Variants in STMND1 observed in about 807,000 individuals in gnomAD.
STMND1 encodes the protein stathmin domain containing 1, also known as stathmin domain-containing protein 1.
A neutral mutation model predicts 23.0 loss-of-function variants in STMND1; 17 were observed. The observed-to-expected ratio is 0.74, with a 90% CI of 0.51 to 1.11. The LOEUF is 1.11. Ranked by LOEUF, STMND1 falls within the 50% of genes least tolerant of loss-of-function variation. The pLI is 0.00. For missense variants in STMND1, 305 were observed against 329.1 expected, an observed-to-expected ratio of 0.93 and a Z score of 0.57; for synonymous variants, 114 against 119.9, an observed-to-expected ratio of 0.95 and a Z score of 0.32.
At position 17,120,692 on chromosome 6, in the gene STMND1, A is replaced by C. The variant is rs748175634; in HGVS notation, c.345A>C (p.Leu115=). The change falls in exon 3 of 5, where the codon CTA becomes CTC. Residue 115 remains leucine (L), a synonymous_variant. Coordinates refer to ENST00000536551, the MANE Select transcript of STMND1 (RefSeq NM_001190766.2). ...RQKSSDILEE[L]IVQGIIQSHS... is the part of the protein sequence containing the mutation. ...AGTCATCAGATATCCTGGAGGAACT[A>C]ATTGTTCAAGGAATTATACAAAGCC... The C allele has an allele frequency of 3.9e-6, 6 of 1,535,576 alleles. No individual in the cohort carries two copies. The South Asian group carries it at 7.1e-5, about 18-fold the overall frequency.
At chr6:17,122,087 TCCTGACCTCGTAATCCA>T (rs1244614668) in intron 3 of STMND1, among the ~76,000 whole-genome samples, 1 of 152,096 alleles carries the variant, frequency 6.6e-6, no homozygotes, top group Non-Finnish European at 1.5e-5. Flanking sequence ...GGTGTTGAAC[TCCTGACCTCGTAATCCA>T]CCTGCCTCAG....
At chr6:17,118,378 A>AT (rs1388643667) in intron 2 of STMND1, among the ~76,000 whole-genome samples, 1 of 152,190 alleles carries the variant, frequency 6.6e-6, no homozygotes, top group African/African-American at 2.4e-5. Context: ...TGGTGAAAGC[A>AT]TGGGCGTTTT....
At chr6:17,106,035 C>T (rs991662536) in intron 1 of STMND1, among the ~76,000 whole-genome samples, 1 of 152,208 alleles carries the variant, frequency 6.6e-6, no homozygotes, top group African/African-American at 2.4e-5. Context: ...CACACTCACA[C>T]CGTAGACAAA....
At chr6:17,111,742 G>C (rs1761099306) in intron 1 of STMND1, among the ~76,000 whole-genome samples, 1 of 152,098 alleles carries the variant, frequency 6.6e-6, no homozygotes, top group Non-Finnish European at 1.5e-5. Flanking sequence ...TAGTCTGTTT[G>C]TGCTGCTACA....
chr6:17,103,386 C>T (rs1420825214), intron 1 of STMND1, among the ~76,000 whole-genome samples: 1 of 152,072 alleles, frequency 6.6e-6, no homozygotes, highest in Non-Finnish European at 1.5e-5. Flanking sequence ...ATGTGGGGCA[C>T]ATCTCTTGGG....
At chr6:17,112,046 T>C (rs1761102768) in intron 1 of STMND1, among the ~76,000 whole-genome samples, 1 of 152,236 alleles carries the variant, frequency 6.6e-6, no homozygotes, top group African/African-American at 2.4e-5. Context: ...ATTCAAATCA[T>C]AGCATCCATT....
chr6:17,105,979 C>T (rs1285266026), intron 1 of STMND1, among the ~76,000 whole-genome samples: 1 of 151,834 alleles, frequency 6.6e-6, no homozygotes, highest in African/African-American at 2.4e-5. Flanking sequence ...TGTCCTGGCC[C>T]ATCCTGGAGC....
intron 3 of STMND1, among the ~76,000 whole-genome samples, chr6:17,123,482 C>G (rs1406735590): frequency 1.3e-5 from 2 of 152,176 alleles, no homozygotes; most frequent in Non-Finnish European, 2.9e-5. Context: ...CTTAACCCGC[C>G]GGTACATTGG....
chr6:17,126,070 ATTTTTT>A (rs1189845838), intron 3 of STMND1, among the ~76,000 whole-genome samples: 1,016 of 19,098 alleles, frequency 0.053, 2 homozygotes, highest in Middle Eastern at 0.11. Context: ...ATATATATAT[ATTTTTT>A]TTTTTTTTTT....
chr6:17,104,088 A>T (rs537770042), intron 1 of STMND1, among the ~76,000 whole-genome samples: 1 of 151,732 alleles, frequency 6.6e-6, no homozygotes, highest in Admixed American at 6.5e-5. Context: ...AAACCAAATG[A>T]CTCTCAGGGC....
chr6:17,108,295 T>G (rs1445871250), intron 1 of STMND1, among the ~76,000 whole-genome samples: 3 of 152,150 alleles, frequency 2.0e-5, no homozygotes, highest in Admixed American at 2.0e-4. Context: ...CAGAAAGTCT[T>G]TGTGAAAAGC....
chr6:17,124,328 A>G (rs1761268513), intron 3 of STMND1, among the ~76,000 whole-genome samples: 1 of 152,240 alleles, frequency 6.6e-6, no homozygotes, highest in Non-Finnish European at 1.5e-5. Flanking sequence ...ATAGTTTAAA[A>G]ATAAGACTTC....
intron 3 of STMND1, chr6:17,128,744 G>C (rs998598845): frequency 1.3e-5 from 2 of 155,202 alleles, no homozygotes; most frequent in African/African-American, 4.8e-5. Flanking sequence ...ACAGGGTCTC[G>C]CTCTGTTGCC....
rs5874593 is a variant in STMND1 at position 17,125,153 on chromosome 6, CAAAA to C, written c.412-3944_412-3941del. ...GCAACATGGTAAGATGCCATTTCTA[CAAAA>C]AAAAAAAAAAAAAATTAAGAGTTAA... On this transcript the variant is annotated intron_variant, in intron 3 of 4. Transcript: ENST00000536551. Among the ~76,000 whole-genome samples, 23 of 129,258 alleles carry C rather than the reference CAAAA, an allele frequency of 1.8e-4. No individual in the cohort carries two copies. The East Asian group carries it at 4.8e-3, about 27-fold the overall frequency. The allele number at this position is 129,258 out of a possible 152,430, so 84.8% of individuals were successfully genotyped here.
intron 1 of STMND1, among the ~76,000 whole-genome samples, chr6:17,113,558 C>T (rs1761121021): frequency 6.6e-6 from 1 of 152,100 alleles, no homozygotes; most frequent in Non-Finnish European, 1.5e-5. Context: ...ATAGCCTAGC[C>T]CAGCTGACAC....
chr6:17,113,017 G>A (rs1044623977), intron 1 of STMND1, among the ~76,000 whole-genome samples: 4 of 152,108 alleles, frequency 2.6e-5, no homozygotes, highest in African/African-American at 9.7e-5. Flanking sequence ...TTCCCCTACT[G>A]ATTAATAATA....
At chr6:17,120,883 AT>A in intron 3 of STMND1, 125 bp downstream of exon 3, 1 of 819,492 alleles carries the variant, frequency 1.2e-6, no homozygotes, top group East Asian at 2.8e-5. Flanking sequence ...TTTAAGTCAG[AT>A]TTTTCTCCCT....
At chr6:17,112,581 T>A (rs1417050452) in intron 1 of STMND1, among the ~76,000 whole-genome samples, 1 of 151,876 alleles carries the variant, frequency 6.6e-6, no homozygotes, top group African/African-American at 2.4e-5. Flanking sequence ...ATTGAGACCA[T>A]CCTGGCTAAC....
intron 3 of STMND1, among the ~76,000 whole-genome samples, chr6:17,124,111 CAAAA>C (rs902495051): frequency 1.3e-4 from 19 of 150,002 alleles, no homozygotes; most frequent in Non-Finnish European, 2.2e-4. Flanking sequence ...TCAAGGGAAA[CAAAA>C]AAGGGATAGT....
Sources: allele counts gnomAD v4.1 joint callset (sites outside exome capture counted in the v4.1 genomes callset), GRCh38; gene constraint gnomAD v4.1.1; transcripts MANE v1.5; gene names NCBI Gene and HGNC (gene_info 2026-07-23, HGNC 2026-07-21).